ADGRA3: variants seen among roughly 807,000 people sequenced by gnomAD.
The protein encoded by ADGRA3 is G-protein coupled receptor 125.
ADGRA3 carries 56 observed loss-of-function variants against 119.8 expected under a neutral mutation model. That is an observed-to-expected ratio of 0.47 (90% confidence interval 0.38 to 0.58). The LOEUF is 0.58. ADGRA3 is among the 20% of genes least tolerant of loss of function. The pLI, the probability that ADGRA3 is intolerant of heterozygous loss-of-function variation, is 0.00. For synonymous variants in ADGRA3, 607 were observed against 623.8 expected (o/e 0.97, Z 0.40); for missense variants, 1,516 against 1,649.0 (o/e 0.92, Z 1.40).
At chr4:22,483,021 C>T (rs561066528) in intron 1 of ADGRA3, among the ~76,000 whole-genome samples, 2 of 152,314 alleles carry the variant, frequency 1.3e-5, no homozygotes, top group South Asian at 4.1e-4. Flanking sequence ...CATTTCTACC[C>T]AGCAGACTTC....
At chr4:22,398,099 C>A (rs1476007420) in intron 16 of ADGRA3, 1 of 985,352 alleles carries the variant, frequency 1.0e-6, no homozygotes, top group African/African-American at 1.7e-5. Flanking sequence ...CATCATCTGA[C>A]TTCTTGTAGG....
intron 7 of ADGRA3, 146 bp downstream of exon 7, chr4:22,442,504 C>T (rs542978545): frequency 3.7e-5 from 19 of 515,936 alleles, no homozygotes; most frequent in South Asian, 2.1e-4. Context: ...TGAATAAGAA[C>T]CAGGAAAAGG....
intron 16 of ADGRA3, among the ~76,000 whole-genome samples, chr4:22,396,217 G>A (rs979737601): frequency 3.3e-5 from 5 of 152,090 alleles, no homozygotes; most frequent in African/African-American, 1.2e-4. Context: ...GTTAAAGGCC[G>A]TAGAAAGCAC....
intron 12 of ADGRA3, chr4:22,414,091 G>A: frequency 3.3e-6 from 1 of 298,906 alleles, no homozygotes; most frequent in South Asian, 5.8e-5. Context: ...ATTTTCCCAT[G>A]ATATTATATG....
chr4:22,498,143 G>T (rs1317781601), intron 1 of ADGRA3, among the ~76,000 whole-genome samples: 3 of 151,878 alleles, frequency 2.0e-5, no homozygotes, highest in East Asian at 1.9e-4. Context: ...CAGGAGGCTG[G>T]GTGGGGCAGG....
At chr4:22,420,727 T>A in intron 12 of ADGRA3, 159 bp downstream of exon 12, 2 of 688,420 alleles carry the variant, frequency 2.9e-6, no homozygotes, top group Non-Finnish European at 4.9e-6. Context: ...GTAATGCAGT[T>A]CTTCCTGGTT....
chr4:22,484,662 C>G (rs1470807230), intron 1 of ADGRA3, among the ~76,000 whole-genome samples: 1 of 139,334 alleles, frequency 7.2e-6, no homozygotes, highest in East Asian at 2.0e-4. Flanking sequence ...ATGCAGAATA[C>G]AAATGGTTAA....
intron 10 of ADGRA3, among the ~76,000 whole-genome samples, chr4:22,428,299 G>T (rs1436627302): frequency 6.6e-6 from 1 of 150,858 alleles, no homozygotes; most frequent in East Asian, 1.9e-4. Context: ...TGTAAAATGG[G>T]ACCAAGAACT....
At chr4:22,454,843 T>C (rs1560326015) in intron 4 of ADGRA3, 23 bp downstream of exon 4, 7 of 1,571,076 alleles carry the variant, frequency 4.5e-6, no homozygotes, top group Admixed American at 1.7e-5. Context: ...TATCTTTTAA[T>C]GGGAAAGAAA....
intron 7 of ADGRA3, among the ~76,000 whole-genome samples, chr4:22,439,047 A>G (rs1308091799): frequency 6.6e-6 from 1 of 152,162 alleles, no homozygotes; most frequent in Non-Finnish European, 1.5e-5. Context: ...AGGCAGAAAC[A>G]TCGTCGTACA....
At chr4:22,405,662 G>A (rs909950259) in intron 14 of ADGRA3, among the ~76,000 whole-genome samples, 1 of 152,060 alleles carries the variant, frequency 6.6e-6, no homozygotes, top group African/African-American at 2.4e-5. Flanking sequence ...GGGCAACAAT[G>A]ACTGAACAAA....
At chr4:22,508,578 C>T (rs936325556) in intron 1 of ADGRA3, among the ~76,000 whole-genome samples, 2 of 152,174 alleles carry the variant, frequency 1.3e-5, no homozygotes, top group African/African-American at 4.8e-5. Flanking sequence ...CAATCTTACT[C>T]TTGATCCAAT....
chr4:22,415,241 G>A (rs1715382306), intron 12 of ADGRA3, among the ~76,000 whole-genome samples: 1 of 151,976 alleles, frequency 6.6e-6, no homozygotes, highest in South Asian at 2.1e-4. Context: ...ATGTCTGTAT[G>A]GCATGTTTAT....
chr4:22,501,460 T>A (rs961421931), intron 1 of ADGRA3, among the ~76,000 whole-genome samples: 1 of 152,100 alleles, frequency 6.6e-6, no homozygotes, highest in East Asian at 1.9e-4. Flanking sequence ...CATTAAGGCT[T>A]ATCAGTTTCA....
intron 16 of ADGRA3, among the ~76,000 whole-genome samples, chr4:22,398,845 AT>A (rs1418778598): frequency 6.6e-6 from 1 of 152,162 alleles, no homozygotes; most frequent in Non-Finnish European, 1.5e-5. Flanking sequence ...TGCAATGAAT[AT>A]TCATATCCAT....
In ADGRA3 at chr4:22,438,195, T is replaced by G. The variant is rs984608183; in HGVS notation, c.1085+61A>C. 4.9e-6 allele frequency: 7 copies of G among 1,436,096 alleles called. No homozygotes were observed. The African/African-American group carries it at 9.7e-5, about 20-fold the overall frequency. 89.0% of individuals were successfully genotyped at this position (1,436,096 alleles called of 1,614,324 possible). A position where few individuals can be genotyped will look rare whatever the true frequency, so the allele number is the denominator to read the frequency against. On this transcript the variant is annotated intron_variant, in intron 8 of 18. Transcript: ENST00000334304. Reference sequence around the variant, plus strand: ...CAGGACAGGAAACCAATAATGTGTCTTAGACAACAGAAGGATCTGGGACAA... The same window carrying G: ...CAGGACAGGAAACCAATAATGTGTCGTAGACAACAGAAGGATCTGGGACAA...
intron 1 of ADGRA3, among the ~76,000 whole-genome samples, chr4:22,507,197 G>T (rs962266953): frequency 6.6e-6 from 1 of 151,848 alleles, no homozygotes; most frequent in Non-Finnish European, 1.5e-5. Flanking sequence ...CCGAGATCGC[G>T]CCACTGCACT....
intron 2 of ADGRA3, among the ~76,000 whole-genome samples, chr4:22,472,383 G>A (rs1717886805): frequency 6.6e-6 from 1 of 152,178 alleles, no homozygotes; most frequent in South Asian, 2.1e-4. Flanking sequence ...CATGGAATGT[G>A]TATGAAGGAC....
intron 1 of ADGRA3, among the ~76,000 whole-genome samples, chr4:22,490,898 T>G (rs554145331): frequency 6.6e-6 from 1 of 152,044 alleles, no homozygotes; most frequent in African/African-American, 2.4e-5. Context: ...AGGTCGGAAG[T>G]CCAGGCACAG....
Sources: allele counts gnomAD v4.1 joint callset (sites outside exome capture counted in the v4.1 genomes callset), GRCh38; gene constraint gnomAD v4.1.1; transcripts MANE v1.5; gene names NCBI Gene and HGNC (gene_info 2026-07-23, HGNC 2026-07-21).